The following GRIN2A variants were observed in gnomAD, a reference collection of about 807,000 sequenced individuals.
GRIN2A encodes the protein glutamate receptor ionotropic, NMDA 2A.
In GRIN2A, 22 loss-of-function variants were observed where a neutral mutation model predicts 113.4. The ratio of observed to expected loss-of-function variants is 0.19; its 90% CI spans 0.14 to 0.28. GRIN2A has a LOEUF of 0.28. Ranked by LOEUF, GRIN2A falls within the 10% of genes least tolerant of loss-of-function variation. The pLI is 1.00. For missense variants in GRIN2A, 1,502 were observed against 1,887.0 expected (o/e 0.80, Z 3.78); for synonymous variants, 827 against 738.4 (o/e 1.12, Z -1.94).
chr16:10,024,498 G>A (rs968984882), intron 2 of GRIN2A, among the ~76,000 whole-genome samples: 14 of 152,318 alleles, frequency 9.2e-5, no homozygotes, highest in African/African-American at 2.4e-4. Flanking sequence ...AATTACAGGC[G>A]TGAGCCAACG....
intron 11 of GRIN2A, among the ~76,000 whole-genome samples, chr16:9,796,846 T>A (rs753411595): frequency 5.9e-5 from 9 of 152,124 alleles, no homozygotes; most frequent in Non-Finnish European, 1.3e-4. Flanking sequence ...CTCTAAGATC[T>A]CACAGCAAAA....
Position 9,759,813 on chromosome 16 carries a change from A to G in GRIN2A, c.*3336T>C, listed in dbSNP as rs1203397208. On this transcript the variant is annotated 3_prime_UTR_variant, in exon 13 of 13. Transcript: ENST00000330684. ...CTATAGGGACTTGCCAGCTCAGAGC[A>G]TTGAAACCATAAGTGGCCTAAGAAC... is the stretch of plus-strand genomic sequence containing the variant. The G allele has an allele frequency of 1.7e-5, 4 of 229,298 alleles. No homozygotes were observed. Among genetic ancestry groups the G allele is most frequent in the Non-Finnish European group, 3.5e-5 (4 of 115,682 alleles). The allele number at this position is 229,298 out of a possible 1,614,324, so 14.2% of individuals were successfully genotyped here. A position where few individuals can be genotyped will look rare whatever the true frequency, so the allele number is the denominator to read the frequency against.
chr16:9,969,444 A>T (rs1461630057), intron 2 of GRIN2A, among the ~76,000 whole-genome samples: 1 of 152,160 alleles, frequency 6.6e-6, no homozygotes, highest in Admixed American at 6.5e-5. Context: ...ATTTACTTGG[A>T]CATTTTATCC....
intron 2 of GRIN2A, among the ~76,000 whole-genome samples, chr16:10,015,718 A>G (rs2046597014): frequency 6.6e-6 from 1 of 152,164 alleles, no homozygotes; most frequent in Admixed American, 6.5e-5. Context: ...TTGGGAACAT[A>G]CTATTTACGA....
intron 2 of GRIN2A, among the ~76,000 whole-genome samples, chr16:9,969,409 T>G (rs186734351): frequency 6.6e-6 from 1 of 152,318 alleles, no homozygotes; most frequent in East Asian, 1.9e-4. Flanking sequence ...CTGTGTTGCA[T>G]CCATTGTTCC....
chr16:9,985,246 T>C (rs2045958994), intron 2 of GRIN2A, among the ~76,000 whole-genome samples: 1 of 152,222 alleles, frequency 6.6e-6, no homozygotes, highest in Admixed American at 6.5e-5. Flanking sequence ...GGGCCAATTA[T>C]TTATATGTTC....
chr16:9,995,470 G>A (rs1483460518), intron 2 of GRIN2A, among the ~76,000 whole-genome samples: 3 of 152,184 alleles, frequency 2.0e-5, no homozygotes, highest in Non-Finnish European at 4.4e-5. Flanking sequence ...GGTGGTGGTG[G>A]TGGTGTTTTG....
intron 2 of GRIN2A, among the ~76,000 whole-genome samples, chr16:10,177,798 G>C (rs1270410965): frequency 1.3e-5 from 2 of 152,120 alleles, no homozygotes; most frequent in African/African-American, 4.8e-5. Flanking sequence ...CCATTCACTG[G>C]GTCAAGATTC....
chr16:9,768,240 G>T (rs908666217), intron 12 of GRIN2A, among the ~76,000 whole-genome samples: 17 of 151,076 alleles, frequency 1.1e-4, no homozygotes, highest in Admixed American at 2.6e-4. Flanking sequence ...AGTAGAGAAG[G>T]GGGGGGTCTC....
chr16:9,936,084 C>G (rs754405564), intron 3 of GRIN2A, among the ~76,000 whole-genome samples: 13 of 152,164 alleles, frequency 8.5e-5, no homozygotes, highest in Non-Finnish European at 1.6e-4. Context: ...AAATACCGTG[C>G]TAAACAGTAC....
At chr16:10,132,355 A>AAAAAAAAAAAAAAAAAC (rs2049083539) in intron 2 of GRIN2A, among the ~76,000 whole-genome samples, 1 of 151,490 alleles carries the variant, frequency 6.6e-6, no homozygotes, top group Non-Finnish European at 1.5e-5. Context: ...AAAAAAAAAA[A>AAAAAAAAAAAAAAAAAC]AAAGATGTGA....
At chr16:9,847,442 G>A (rs1030445559) in intron 5 of GRIN2A, among the ~76,000 whole-genome samples, 1 of 151,950 alleles carries the variant, frequency 6.6e-6, no homozygotes, top group African/African-American at 2.4e-5. Context: ...GCACAGGCCT[G>A]TAGTCTCAGC....
In GRIN2A at chr16:10,096,944, G is replaced by A. The variant is rs1465526914; in HGVS notation, c.414+83054C>T. Among the ~76,000 whole-genome samples the A allele has an allele frequency of 2.6e-5, 4 of 152,178 alleles. No individual in the cohort carries two copies. In the East Asian group the frequency reaches 7.7e-4, roughly 29 times the overall value. On this transcript the variant is annotated intron_variant, in intron 2 of 12. Coordinates refer to ENST00000330684, the MANE Select transcript of GRIN2A (RefSeq NM_001134407.3). ...GAAAAAGACCAGATCCCTTTCCCAG[G>A]TGTGAGGCTATAGCACGGGTGTTAG...
chr16:9,755,148 T>C lies in GRIN2A; in HGVS notation c.*8001A>G, dbSNP rs147832762. On this transcript the variant is annotated 3_prime_UTR_variant, in exon 13 of 13. Transcript: ENST00000330684. Reference sequence around the variant, plus strand: ...ACTGACATAGTAAGTAAGAGAATTATGAGTGATAATCTCAGTTTTGTCTTC... The same window carrying C: ...ACTGACATAGTAAGTAAGAGAATTACGAGTGATAATCTCAGTTTTGTCTTC... 2.9e-4 allele frequency: 56 copies of C among 195,042 alleles called. No homozygotes were observed. Among genetic ancestry groups the C allele is most frequent in the Non-Finnish European group, 4.5e-4 (42 of 93,758 alleles). 12.1% of individuals were successfully genotyped at this position (195,042 alleles called of 1,614,324 possible). A position where few individuals can be genotyped will look rare whatever the true frequency, so the allele number is the denominator to read the frequency against.
At chr16:10,152,517 C>A (rs920558439) in intron 2 of GRIN2A, among the ~76,000 whole-genome samples, 4 of 152,158 alleles carry the variant, frequency 2.6e-5, no homozygotes, top group African/African-American at 9.7e-5. Flanking sequence ...CGTTTTCCCC[C>A]CAACCATCAC....
intron 3 of GRIN2A, among the ~76,000 whole-genome samples, chr16:9,930,871 T>C (rs2141608108): frequency 6.6e-6 from 1 of 152,344 alleles, no homozygotes; most frequent in South Asian, 2.1e-4. Flanking sequence ...TCAATGTAAC[T>C]TAGACATGAA....
chr16:9,997,133 C>T (rs1427094319), intron 2 of GRIN2A, among the ~76,000 whole-genome samples: 2 of 152,184 alleles, frequency 1.3e-5, no homozygotes, highest in Non-Finnish European at 1.5e-5. Context: ...ACACTGATTG[C>T]TGAGTTAAAA....
At chr16:9,907,166 G>A (rs145173335) in intron 3 of GRIN2A, among the ~76,000 whole-genome samples, 1 of 152,292 alleles carries the variant, frequency 6.6e-6, no homozygotes, top group African/African-American at 2.4e-5. Context: ...GTGTTTTACA[G>A]TTTGGGGCAA....
At chr16:10,094,413 G>A (rs2048244748) in intron 2 of GRIN2A, among the ~76,000 whole-genome samples, 1 of 151,790 alleles carries the variant, frequency 6.6e-6, no homozygotes, top group South Asian at 2.1e-4. Context: ...TAGAACTCTA[G>A]TTCTCAGTTC....
Sources: allele counts gnomAD v4.1 joint callset (sites outside exome capture counted in the v4.1 genomes callset), GRCh38; gene constraint gnomAD v4.1.1; transcripts MANE v1.5; gene names NCBI Gene and HGNC (gene_info 2026-07-23, HGNC 2026-07-21).